FHIP1A: variants seen among roughly 807,000 people sequenced by gnomAD.
FHIP1A encodes FHF complex subunit HOOK-interacting protein 1A.
Under a neutral mutation model 88.6 loss-of-function variants are expected in FHIP1A, and 61 were observed. The observed-to-expected ratio is 0.69, with a 90% confidence interval of 0.56 to 0.85. The LOEUF is 0.85. Ranked by LOEUF, FHIP1A falls within the 40% of genes least tolerant of loss-of-function variation. The pLI is 0.00. For synonymous variants in FHIP1A, 478 were observed against 496.0 expected, an observed-to-expected ratio of 0.96 and a Z score of 0.48; for missense variants, 1,154 against 1,273.5, an observed-to-expected ratio of 0.91 and a Z score of 1.43.
chr4:151,488,587 T>C (rs1029043488), intron 3 of FHIP1A, among the ~76,000 whole-genome samples: 2 of 152,256 alleles, frequency 1.3e-5, no homozygotes, highest in African/African-American at 4.8e-5. Context: ...TTGTGAATAG[T>C]GCTGTGATTA....
intron 3 of FHIP1A, among the ~76,000 whole-genome samples, chr4:151,518,483 C>A (rs1453200931): frequency 1.3e-5 from 2 of 152,066 alleles, no homozygotes; most frequent in Admixed American, 1.3e-4. Flanking sequence ...AGCAGATATT[C>A]TTCTCATACT....
chr4:151,551,021 C>G (rs953549646), intron 3 of FHIP1A, among the ~76,000 whole-genome samples: 1 of 152,166 alleles, frequency 6.6e-6, no homozygotes, highest in South Asian at 2.1e-4. Context: ...GGCTTAATCA[C>G]GGGCAAAGCA....
At chr4:151,583,784 GTCTCTGT>G (rs1217038742) in intron 5 of FHIP1A, among the ~76,000 whole-genome samples, 2 of 152,140 alleles carry the variant, frequency 1.3e-5, no homozygotes, top group African/African-American at 4.8e-5. Flanking sequence ...AGAACTTTTG[GTCTCTGT>G]TCTCTTTTGC....
chr4:151,510,547 G>A (rs1047779270), intron 3 of FHIP1A, among the ~76,000 whole-genome samples: 2 of 152,138 alleles, frequency 1.3e-5, no homozygotes, highest in Non-Finnish European at 2.9e-5. Context: ...TAACCTGTTT[G>A]CAGTTTGATG....
chr4:151,650,140 A>G lies in FHIP1A; in HGVS notation c.2099A>G (p.Asp700Gly). ...GATTCAGAGGAGGAGTGGAATAGGG[A>G]CAATTCAGACCCGTTTCACAGTGAG... ...ETDSEEEWNR[D>G]NSDPFHSEPK... is the part of the protein sequence containing the mutation. Residue 700 changes from aspartate to glycine, a missense_variant, in exon 11 of 14, where the codon GAC becomes GGC. Coordinates refer to ENST00000435205, the MANE Select transcript of FHIP1A (RefSeq NM_001109977.3). The G allele has an allele frequency of 6.4e-7, 1 of 1,551,702 alleles. No individual in the cohort carries two copies. The highest frequency in any genetic ancestry group is 8.7e-7 in the Non-Finnish European group (1 of 1,146,978).
chr4:151,488,565 A>G (rs1234294782), intron 3 of FHIP1A, among the ~76,000 whole-genome samples: 2 of 152,180 alleles, frequency 1.3e-5, no homozygotes, highest in Admixed American at 6.5e-5. Flanking sequence ...GGGTGACTCT[A>G]TGTCTTTACT....
intron 10 of FHIP1A, among the ~76,000 whole-genome samples, chr4:151,648,664 A>T (rs1376050948): frequency 6.6e-6 from 1 of 151,726 alleles, no homozygotes; most frequent in Non-Finnish European, 1.5e-5. Context: ...AAATGGAGAA[A>T]ATAATATCTA....
intron 4 of FHIP1A, among the ~76,000 whole-genome samples, chr4:151,574,598 GTTAA>G (rs1733713738): frequency 2.0e-5 from 3 of 151,778 alleles, no homozygotes; most frequent in African/African-American, 7.3e-5. Flanking sequence ...ATCTCTAATT[GTTAA>G]TTGTTTTAAA....
At chr4:151,527,476 A>AC (rs1560749894) in intron 3 of FHIP1A, among the ~76,000 whole-genome samples, 2 of 152,146 alleles carry the variant, frequency 1.3e-5, no homozygotes, top group African/African-American at 2.4e-5. Context: ...TGGCAGCAGT[A>AC]CCGTCCAGCT....
At chr4:151,634,923 G>A (rs12650655) in intron 8 of FHIP1A, among the ~76,000 whole-genome samples, 48,401 of 151,340 alleles carry the variant, frequency 0.32, 7,762 homozygotes, top group Non-Finnish European at 0.33. Context: ...CAACTTAGGC[G>A]TATCAAATGA....
chr4:151,482,245 A>G (rs777945623), intron 2 of FHIP1A, among the ~76,000 whole-genome samples: 13 of 152,260 alleles, frequency 8.5e-5, no homozygotes, highest in Non-Finnish European at 1.6e-4. Flanking sequence ...CACTCCCAAA[A>G]GAAGCATATA....
chr4:151,425,504 A>T (rs1457732276), intron 1 of FHIP1A, among the ~76,000 whole-genome samples: 1 of 152,130 alleles, frequency 6.6e-6, no homozygotes, highest in Non-Finnish European at 1.5e-5. Context: ...TTAAGGGACT[A>T]TTTTTTGTTA....
At chr4:151,592,481 A>T (rs1734477649) in intron 7 of FHIP1A, among the ~76,000 whole-genome samples, 1 of 152,136 alleles carries the variant, frequency 6.6e-6, no homozygotes, top group South Asian at 2.1e-4. Context: ...GTGACATGGT[A>T]TCTCATTGTG....
chr4:151,610,790 A>G (rs1735292894), intron 7 of FHIP1A, among the ~76,000 whole-genome samples: 1 of 152,198 alleles, frequency 6.6e-6, no homozygotes, highest in Non-Finnish European at 1.5e-5. Context: ...GGCATAGACA[A>G]TAACTCTTCA....
intron 8 of FHIP1A, among the ~76,000 whole-genome samples, chr4:151,633,121 A>G (rs1325669748): frequency 6.6e-6 from 1 of 151,946 alleles, no homozygotes; most frequent in Non-Finnish European, 1.5e-5. Context: ...ATCAGAAATG[A>G]GAGAGGCGAC....
intron 5 of FHIP1A, among the ~76,000 whole-genome samples, chr4:151,585,181 C>CT (rs143128573): frequency 0.01 from 1,534 of 148,634 alleles, 22 homozygotes; most frequent in African/African-American, 0.036. Context: ...TTGTAGCTGG[C>CT]TTTTTTTTTT....
intron 3 of FHIP1A, among the ~76,000 whole-genome samples, chr4:151,546,366 G>A (rs1283998704): frequency 1.1e-4 from 16 of 152,216 alleles, no homozygotes; most frequent in South Asian, 2.1e-4. Flanking sequence ...CCACACTACC[G>A]GCATCCAAGG....
chr4:151,471,994 A>G (rs1729529998), intron 2 of FHIP1A, among the ~76,000 whole-genome samples: 1 of 152,078 alleles, frequency 6.6e-6, no homozygotes, highest in Admixed American at 6.6e-5. Context: ...TATATACCAC[A>G]GTTTCTTTAT....
chr4:151,629,995 G>A, intron 8 of FHIP1A, 126 bp downstream of exon 8: 5 of 852,620 alleles, frequency 5.9e-6, no homozygotes, highest in Non-Finnish European at 7.0e-6. Context: ...TTTTTTGGTT[G>A]TTGTTGTTTT....
Sources: gnomAD v4.1 joint callset for allele counts (sites outside exome capture counted in the v4.1 genomes callset) on GRCh38, gnomAD v4.1.1 for gene constraint, MANE v1.5 for transcripts, NCBI Gene and HGNC (gene_info 2026-07-23, HGNC 2026-07-21) for gene names.